The following MAP4 variants were observed in gnomAD, a reference collection of about 807,000 sequenced individuals.
MAP4 encodes microtubule-associated protein 4.
MAP4 carries 76 observed loss-of-function variants against 170.2 expected under a neutral mutation model. That is an observed-to-expected ratio of 0.45 (90% CI 0.37 to 0.54). MAP4 has a LOEUF of 0.54. MAP4 is among the 20% of genes least tolerant of loss of function. The probability of loss-of-function intolerance (pLI) is 0.00; values close to 1 mark genes in which losing one functional copy is unlikely to be tolerated. For missense variants in MAP4, 2,506 were observed against 2,748.0 expected (o/e 0.91, Z 1.97); for synonymous variants, 909 against 994.5 (o/e 0.91, Z 1.62).
Position 47,857,595 on chromosome 3 carries a change from C to A in MAP4, c.6502-83G>T, listed in dbSNP as rs1188671588. On this transcript the variant is annotated intron_variant, in intron 17 of 20. Coordinates refer to ENST00000683076, the MANE Select transcript of MAP4 (RefSeq NM_001385682.1). ...CCCATGCTACCTTTTAAATCTTCTCCATGTTCAGGGTTTCTCGCTCCCTCT... is the reference window on the plus strand; with the variant it reads ...CCCATGCTACCTTTTAAATCTTCTCAATGTTCAGGGTTTCTCGCTCCCTCT... 524 of 935,812 alleles carry A rather than the reference C, an allele frequency of 5.6e-4. 1 individual carries two copies. Among genetic ancestry groups the A allele is most frequent in the East Asian group, 9.1e-4 (37 of 40,738 alleles). The allele number at this position is 935,812 out of a possible 1,614,324, so 58.0% of individuals were successfully genotyped here. A position where few individuals can be genotyped will look rare whatever the true frequency, so the allele number is the denominator to read the frequency against.
Position 47,851,003 on chromosome 3 carries a change from G to A in MAP4, c.*1931C>T, listed in dbSNP as rs1487688829. The stretch of plus-strand genomic sequence containing the variant: ...GACCTGGAACCTGTCGTCAACCTCA[G>A]CATCCTCATGACCCCAGGACAGACG... On this transcript the variant is annotated 3_prime_UTR_variant, in exon 21 of 21. Coordinates refer to ENST00000683076, the MANE Select transcript of MAP4 (RefSeq NM_001385682.1). 6.6e-6 allele frequency: 1 copy of A among 152,374 alleles called. No homozygotes were observed. Among genetic ancestry groups the A allele is most frequent in the Admixed American group, 6.5e-5 (1 of 15,276 alleles). The allele number at this position is 152,374 out of a possible 1,614,324, so 9.4% of individuals were successfully genotyped here.
intron 10 of MAP4, among the ~76,000 whole-genome samples, chr3:47,897,326 G>A (rs1480973885): frequency 6.6e-6 from 1 of 151,982 alleles, no homozygotes; most frequent in East Asian, 1.9e-4. Context: ...AGGGTTTCAC[G>A]ATGTTGGCCA....
At chr3:47,953,512 A>G (rs1031879223) in intron 3 of MAP4, among the ~76,000 whole-genome samples, 5 of 152,184 alleles carry the variant, frequency 3.3e-5, no homozygotes, top group Non-Finnish European at 2.9e-5. Context: ...ACCGAGTGAG[A>G]GCCTGTCTCT....
chr3:48,076,219 G>A (rs770994985), intron 1 of MAP4, among the ~76,000 whole-genome samples: 10 of 151,848 alleles, frequency 6.6e-5, no homozygotes, highest in East Asian at 1.9e-4. Context: ...CATCTCAGCC[G>A]GGCGCAGTGG....
intron 2 of MAP4, 78 bp downstream of exon 2, chr3:47,998,560 G>A: frequency 8.6e-7 from 1 of 1,160,374 alleles, no homozygotes; most frequent in Non-Finnish European, 1.3e-6. Flanking sequence ...TCAATTCTCA[G>A]TTTCCAAGAT....
rs181961349 is a variant in MAP4, at chr3:48,072,524, G to T, written c.-20+16249C>A. Among the ~76,000 whole-genome samples, 372 of 152,092 alleles carry T rather than the reference G, an allele frequency of 2.4e-3. 1 individual carries two copies. The highest frequency in any genetic ancestry group is 4.0e-3 in the Non-Finnish European group (275 of 67,966). Reference sequence around the variant, plus strand: ...CCAAAAAAATAAATTATAAATTCATGAAAAAACTATTTTTTTAATGAGGCC... The same window carrying T: ...CCAAAAAAATAAATTATAAATTCATTAAAAAACTATTTTTTTAATGAGGCC... On this transcript the variant is annotated intron_variant, in intron 1 of 18. Coordinates refer to the MAP4 transcript ENST00000360240.
At chr3:48,032,748 C>T (rs904566838) in intron 1 of MAP4, among the ~76,000 whole-genome samples, 6 of 152,122 alleles carry the variant, frequency 3.9e-5, no homozygotes, top group Non-Finnish European at 8.8e-5. Flanking sequence ...AAACTGCACT[C>T]TGAAATAATC....
intron 1 of MAP4, among the ~76,000 whole-genome samples, chr3:48,025,478 G>A (rs1237104239): frequency 1.3e-5 from 2 of 151,552 alleles, no homozygotes; most frequent in Non-Finnish European, 2.9e-5. Context: ...TAGTAGAGAC[G>A]GGTTTTCACC....
intron 1 of MAP4, among the ~76,000 whole-genome samples, chr3:48,080,362 G>A (rs1331865911): frequency 3.3e-5 from 5 of 152,170 alleles, no homozygotes; most frequent in African/African-American, 2.4e-5. Context: ...ATGATTCTAC[G>A]AGGAGGAAGA....
chr3:47,892,701 G>A (rs950826806), intron 10 of MAP4: 23 of 1,367,012 alleles, frequency 1.7e-5, no homozygotes, highest in South Asian at 1.1e-4. Context: ...GAATGAAAGC[G>A]AAAGAAAGGA....
chr3:47,932,018 C>T (rs1231844644), intron 3 of MAP4: 2 of 152,118 alleles, frequency 1.3e-5, no homozygotes, highest in Non-Finnish European at 2.9e-5. Flanking sequence ...GTTATACAAC[C>T]ATCACCACTA....
intron 10 of MAP4, among the ~76,000 whole-genome samples, chr3:47,878,483 G>A (rs2095970322): frequency 6.6e-6 from 1 of 152,040 alleles, no homozygotes; most frequent in Admixed American, 6.6e-5. Context: ...AAAGTTTTTT[G>A]AAACTATGAA....
At chr3:47,964,731 C>A (rs1275725363) in intron 3 of MAP4, among the ~76,000 whole-genome samples, 1 of 152,164 alleles carries the variant, frequency 6.6e-6, no homozygotes, top group African/African-American at 2.4e-5. Flanking sequence ...TTTCTCTCTG[C>A]AACTGGACAA....
intron 1 of MAP4, among the ~76,000 whole-genome samples, chr3:48,086,452 A>C (rs564336419): frequency 6.6e-6 from 1 of 152,334 alleles, no homozygotes; most frequent in African/African-American, 2.4e-5. Flanking sequence ...CAGTCTGTCC[A>C]ACGTGGCGAA....
chr3:47,982,854 C>G (rs1009693467), intron 2 of MAP4, among the ~76,000 whole-genome samples: 4 of 151,654 alleles, frequency 2.6e-5, no homozygotes, highest in Admixed American at 2.0e-4. Context: ...AAAGATCTAC[C>G]CTTCTTGAGG....
intron 3 of MAP4, among the ~76,000 whole-genome samples, chr3:47,955,393 C>T (rs1204979545): frequency 6.7e-6 from 1 of 148,286 alleles, no homozygotes; most frequent in Admixed American, 6.8e-5. Context: ...CCACAGAGAT[C>T]TTGATCGCGT....
At chr3:47,979,184 G>A (rs73087145) in intron 2 of MAP4, among the ~76,000 whole-genome samples, 2,004 of 151,370 alleles carry the variant, frequency 0.013, 27 homozygotes, top group South Asian at 0.021. Flanking sequence ...GTGGGTCTAA[G>A]TTTCTATTCC....
In MAP4 at chr3:48,066,043, A is replaced by AC. The variant is rs142385171; in HGVS notation, c.-20+22729dup. On this transcript the variant is annotated intron_variant, in intron 1 of 18. Transcript: ENST00000360240. Reference sequence around the variant, plus strand: ...ATAAACATACAAACAAACATACAATACTATGCCCCCCAAAAAAGTAGTTTT... The same window carrying AC: ...ATAAACATACAAACAAACATACAATACCTATGCCCCCCAAAAAAGTAGTTTT... Among the ~76,000 whole-genome samples, 612 of 152,282 alleles carry AC rather than the reference A, an allele frequency of 4.0e-3. 7 individuals carry two copies. The highest frequency in any genetic ancestry group is 0.014 in the African/African-American group (593 of 41,554).
chr3:47,946,654 CAAAAAAAAAAAA>C (rs11427271), intron 3 of MAP4, among the ~76,000 whole-genome samples: 9 of 40,814 alleles, frequency 2.2e-4, no homozygotes, highest in African/African-American at 6.6e-4. Flanking sequence ...AACTCCGTCT[CAAAAAAAAAAAA>C]AAAAAAAAAA....
Sources: gnomAD v4.1 joint callset for allele counts (sites outside exome capture counted in the v4.1 genomes callset) on GRCh38, gnomAD v4.1.1 for gene constraint, MANE v1.5 for transcripts, NCBI Gene and HGNC (gene_info 2026-07-23, HGNC 2026-07-21) for gene names.